CIAPIN1: variants seen among roughly 807,000 people sequenced by gnomAD.
CIAPIN1 encodes anamorsin.
Under a neutral mutation model 34.3 loss-of-function variants are expected in CIAPIN1, and 18 were observed. The ratio of observed to expected loss-of-function variants is 0.52; its 90% CI spans 0.36 to 0.78. CIAPIN1 has a LOEUF of 0.78. Ranked by LOEUF, CIAPIN1 falls within the 30% of genes least tolerant of loss-of-function variation. CIAPIN1 has a pLI of 0.00. For missense variants in CIAPIN1, 310 were observed against 372.5 expected, an observed-to-expected ratio of 0.83 and a Z score of 1.38; for synonymous variants, 131 against 140.4, an observed-to-expected ratio of 0.93 and a Z score of 0.47.
intron 4 of CIAPIN1, among the ~76,000 whole-genome samples, chr16:57,436,102 C>T (rs1903192663): frequency 6.6e-6 from 1 of 152,214 alleles, no homozygotes; most frequent in Admixed American, 6.5e-5. Context: ...AGCAGCAGAG[C>T]TGCTGCTCAT....
At chr16:57,444,380 A>G (rs1448647584) in intron 1 of CIAPIN1, among the ~76,000 whole-genome samples, 1 of 152,176 alleles carries the variant, frequency 6.6e-6, no homozygotes, top group African/African-American at 2.4e-5. Flanking sequence ...AATGTTCTAG[A>G]ACTCTGGGCT....
intron 8 of CIAPIN1, among the ~76,000 whole-genome samples, 186 bp from the exon 9 acceptor site, chr16:57,429,466 T>C (rs1247348655): frequency 1.3e-5 from 2 of 152,164 alleles, no homozygotes; most frequent in Non-Finnish European, 2.9e-5. Flanking sequence ...ACTATAGTCA[T>C]GAAAAGTTCC....
intron 2 of CIAPIN1, 54 bp downstream of exon 2, chr16:57,440,718 C>A: frequency 1.3e-6 from 2 of 1,525,300 alleles, no homozygotes; most frequent in Non-Finnish European, 1.8e-6. Flanking sequence ...AGAAATGCAA[C>A]ACTCCCATGG....
In CIAPIN1 at chr16:57,436,693, G is replaced by A. The variant is rs368842581; in HGVS notation, c.350C>T (p.Ser117Leu). ...SKVKTASKLC[S>L]ALTLSGLVEV... is the part of the protein sequence containing the mutation. The stretch of plus-strand genomic sequence containing the variant: ...CACAAGACCAGAAAGAGTCAGGGCT[G>A]AACACAGCTTAGATGCTGTCTTCAC... The change falls in exon 4 of 9, where the codon TCA becomes TTA. Residue 117 changes from serine to leucine, a missense_variant. Coordinates refer to ENST00000394391, the MANE Select transcript of CIAPIN1 (RefSeq NM_020313.4). The A allele has an allele frequency of 1.2e-5, 20 of 1,613,830 alleles. No individual in the cohort carries two copies. The highest frequency in any genetic ancestry group is 1.6e-5 in the Non-Finnish European group (19 of 1,179,916).
chr16:57,440,512 A>G (rs140729078), intron 2 of CIAPIN1, among the ~76,000 whole-genome samples: 4,105 of 152,202 alleles, frequency 0.027, 84 homozygotes, highest in South Asian at 0.086. Flanking sequence ...CCGGACACCC[A>G]GCTTTAAAAT....
intron 2 of CIAPIN1, 68 bp from the exon 3 acceptor site, chr16:57,439,402 C>G: frequency 2.5e-6 from 4 of 1,569,332 alleles, no homozygotes; most frequent in Non-Finnish European, 3.5e-6. Flanking sequence ...CCTTCCAACC[C>G]CCAACAAAAG....
At chr16:57,437,708 T>C (rs935079317) in intron 3 of CIAPIN1, among the ~76,000 whole-genome samples, 9 of 151,986 alleles carry the variant, frequency 5.9e-5, no homozygotes, top group Admixed American at 5.9e-4. Context: ...GTATTTTTTG[T>C]AGAGACGGGG....
chr16:57,432,664 C>G, intron 5 of CIAPIN1, 104 bp from the exon 6 acceptor site: 1 of 1,053,926 alleles, frequency 9.5e-7, no homozygotes. Context: ...AACACACTGG[C>G]CTGGGAGGCA....
rs1555512826 is a variant in CIAPIN1, at chr16:57,429,791, C to CA, written c.828+466_828+467insT. 1.2e-3 allele frequency among the ~76,000 whole-genome samples: 133 copies of CA among 111,224 alleles called. 2 individuals are homozygous for CA. In the East Asian group the frequency reaches 0.029, roughly 24 times the overall value. The allele number at this position is 111,224 out of a possible 152,430, so 73.0% of individuals were successfully genotyped here. Reference sequence around the variant, plus strand: ...ACAGGCGTGAGCCACCGCACCCGGCCTTTTTTTTTTTTTGAGATGGAGTCT... The same window carrying CA: ...ACAGGCGTGAGCCACCGCACCCGGCCATTTTTTTTTTTTTGAGATGGAGTCT... On this transcript the variant is annotated intron_variant, in intron 8 of 8. Transcript: ENST00000394391.
chr16:57,441,236 A>G (rs1209572339), intron 1 of CIAPIN1: 3 of 198,412 alleles, frequency 1.5e-5, no homozygotes, highest in African/African-American at 2.3e-5. Flanking sequence ...GAGGCAAGTA[A>G]GAAGGTTGGA....
Position 57,429,180 on chromosome 16 carries a change from T to A in CIAPIN1, c.929A>T (p.His310Leu), listed in dbSNP as rs760103974. ...EKVLLSDSNL[H>L]DA ...CATGTCAGGAACCTCCTAGGCATCA[T>A]GAAGATTGCTATCACTCAGAAGCAC... The change falls in exon 9 of 9, where the codon CAT (histidine) becomes CTT (leucine). Residue 310 changes from histidine (H) to leucine (L), a missense_variant. Physicochemically the swap from His to Leu is moderately conservative, Grantham distance 99. Coordinates refer to ENST00000394391, the MANE Select transcript of CIAPIN1 (RefSeq NM_020313.4). The A allele has an allele frequency of 1.9e-6, 3 of 1,611,698 alleles. No individual in the cohort carries two copies. Among genetic ancestry groups the A allele is most frequent in the East Asian group, 2.2e-5 (1 of 44,856 alleles).
intron 1 of CIAPIN1, among the ~76,000 whole-genome samples, chr16:57,444,490 T>C (rs2029976686): frequency 6.6e-6 from 1 of 152,114 alleles, no homozygotes; most frequent in Admixed American, 6.6e-5. Flanking sequence ...CTCCAGGGAG[T>C]GATGGGAACC....
rs56343076 is a variant in CIAPIN1, at chr16:57,429,235, C to T, written c.874G>A (p.Gly292Arg). The change falls in exon 9 of 9, where the codon GGG (glycine) becomes AGG (arginine). Residue 292 changes from glycine to arginine, a missense_variant. By Grantham distance (125) the Gly-to-Arg change is moderately radical (BLOSUM62 -2). Coordinates refer to ENST00000394391, the MANE Select transcript of CIAPIN1 (RefSeq NM_020313.4). ...AFRCASCPYLGMPAFKPGEKV... is the reference protein window; with the variant it reads ...AFRCASCPYLRMPAFKPGEKV... ...TCCCCAGGTTTGAAGGCTGGCATCC[C>T]AAGGTAGGGGCAGCTGGCACAGCGG... is the stretch of plus-strand genomic sequence containing the variant. The T allele has an allele frequency of 6.2e-7, 1 of 1,613,958 alleles. No homozygotes were observed. The highest frequency in any genetic ancestry group is 1.1e-5 in the South Asian group (1 of 91,068).
chr16:57,439,364 C>T (rs1217199150), intron 2 of CIAPIN1, 30 bp from the exon 3 acceptor site: 1 of 1,613,222 alleles, frequency 6.2e-7, no homozygotes, highest in South Asian at 1.1e-5. Flanking sequence ...AATTAGCAAT[C>T]TCCTGAGCCT....
In CIAPIN1 at chr16:57,445,996, C is replaced by T. The variant is rs562270940; in HGVS notation, c.-56+1346G>A. On this transcript the variant is annotated intron_variant, in intron 1 of 8. Coordinates refer to ENST00000394391, the MANE Select transcript of CIAPIN1 (RefSeq NM_020313.4). ...AAATAGCTGGGATTACAGGCACCCA[C>T]CACCACACCCAGCTAATTTTTGTAT... Among the ~76,000 whole-genome samples, 9 of 152,172 alleles carry T rather than the reference C, an allele frequency of 5.9e-5. No individual in the cohort carries two copies. In the South Asian group the frequency reaches 1.9e-3, roughly 32 times the overall value.
chr16:57,433,779 T>A (rs1903140683), intron 5 of CIAPIN1: 7 of 380,994 alleles, frequency 1.8e-5, no homozygotes, highest in South Asian at 1.3e-4. Context: ...TTAAACTGTG[T>A]GACTCAGTCC....
At chr16:57,436,164 C>T (rs1287724756) in intron 4 of CIAPIN1, among the ~76,000 whole-genome samples, 2 of 152,216 alleles carry the variant, frequency 1.3e-5, no homozygotes, top group African/African-American at 4.8e-5. Context: ...CAAGAACAAG[C>T]CCCAGCCCAC....
In CIAPIN1 at chr16:57,430,539, G is replaced by T. The variant is rs559799725; in HGVS notation, c.747-200C>A. The T allele has an allele frequency of 4.1e-5, 24 of 587,802 alleles. No individual in the cohort carries two copies. The African/African-American group carries it at 4.5e-4, about 11-fold the overall frequency. The allele number at this position is 587,802 out of a possible 1,614,324, so 36.4% of individuals were successfully genotyped here. On this transcript the variant is annotated intron_variant, in intron 7 of 8. Coordinates refer to ENST00000394391, the MANE Select transcript of CIAPIN1 (RefSeq NM_020313.4). ...GGGAGGAGGATGAGGGAAGTACCGT[G>T]TGTGCTCTGTCTACAGAGGGCAGCC...
chr16:57,435,596 C>T (rs1903181520), intron 4 of CIAPIN1, among the ~76,000 whole-genome samples: 1 of 152,156 alleles, frequency 6.6e-6, no homozygotes, highest in South Asian at 2.1e-4. Context: ...AGTTAGAGAA[C>T]GGCCTGGCCA....
Sources: gnomAD v4.1 joint callset for allele counts (sites outside exome capture counted in the v4.1 genomes callset) on GRCh38, gnomAD v4.1.1 for gene constraint, MANE v1.5 for transcripts, NCBI Gene and HGNC (gene_info 2026-07-23, HGNC 2026-07-21) for gene names.